The following ATP11B variants were observed in gnomAD, a reference collection of about 807,000 sequenced individuals.
ATP11B encodes the protein ATPase phospholipid transporting 11B (putative).
In ATP11B, 81 loss-of-function variants were observed where a neutral mutation model predicts 157.8. That is an observed-to-expected ratio of 0.51 (90% CI 0.43 to 0.62). ATP11B has a LOEUF of 0.62. Ranked by LOEUF, ATP11B falls within the 20% of genes least tolerant of loss-of-function variation. ATP11B has a pLI of 0.00. For missense variants in ATP11B, 1,165 were observed against 1,402.2 expected (o/e 0.83, Z 2.70); for synonymous variants, 451 against 469.4 (o/e 0.96, Z 0.51).
intron 21 of ATP11B, among the ~76,000 whole-genome samples, chr3:182,881,496 C>T (rs1421059392): frequency 1.3e-5 from 2 of 151,144 alleles, no homozygotes; most frequent in African/African-American, 2.4e-5. Flanking sequence ...GAGCCACGAT[C>T]GCGCCACTGC....
chr3:182,832,479 T>C (rs1718227824), intron 4 of ATP11B, among the ~76,000 whole-genome samples: 1 of 152,220 alleles, frequency 6.6e-6, no homozygotes. Context: ...TTCAGATTTA[T>C]GTATCTATTT....
chr3:182,844,937 G>T (rs548692862), intron 8 of ATP11B, among the ~76,000 whole-genome samples: 68 of 148,562 alleles, frequency 4.6e-4, no homozygotes, highest in African/African-American at 1.6e-3. Context: ...CTTAAAGCAG[G>T]TATTTGTTGT....
intron 29 of ATP11B, chr3:182,914,815 A>G: frequency 1.0e-6 from 1 of 985,308 alleles, no homozygotes; most frequent in Non-Finnish European, 1.2e-6. Flanking sequence ...TATTTAGAGG[A>G]TGTTAGGGGG....
At chr3:182,911,297 T>C (rs915812283) in intron 28 of ATP11B, among the ~76,000 whole-genome samples, 2 of 120,230 alleles carry the variant, frequency 1.7e-5, no homozygotes, top group Non-Finnish European at 3.2e-5. Flanking sequence ...TCCTTTAAGA[T>C]GTATTTTAAA....
At chr3:182,869,598 C>A (rs1278004318) in intron 17 of ATP11B, among the ~76,000 whole-genome samples, 2 of 152,176 alleles carry the variant, frequency 1.3e-5, no homozygotes, top group Non-Finnish European at 2.9e-5. Flanking sequence ...ATTAAACAAA[C>A]ATAGGGGAAT....
At chr3:182,881,011 T>C in intron 21 of ATP11B, 30 bp downstream of exon 21, 1 of 1,494,222 alleles carries the variant, frequency 6.7e-7, no homozygotes, top group Non-Finnish European at 9.1e-7. Context: ...AAGTTTTTCC[T>C]GAACTTTTAA....
intron 21 of ATP11B, among the ~76,000 whole-genome samples, chr3:182,884,094 A>T (rs78840585): frequency 0.13 from 20,432 of 152,046 alleles, 1,643 homozygotes; most frequent in African/African-American, 0.23. Flanking sequence ...TTGAAAAATA[A>T]TTTTTTTAAG....
At chr3:182,828,841 G>A (rs1181569674) in intron 3 of ATP11B, among the ~76,000 whole-genome samples, 2 of 151,658 alleles carry the variant, frequency 1.3e-5, no homozygotes, top group East Asian at 3.9e-4. Context: ...AAATAGTGAT[G>A]GCCATTTTCC....
chr3:182,853,354 C>T lies in ATP11B; in HGVS notation c.852-4524C>T, dbSNP rs536912418. Among the ~76,000 whole-genome samples the T allele has an allele frequency of 1.1e-3, 161 of 152,120 alleles. 2 individuals carry two copies. Among genetic ancestry groups the T allele is most frequent in the African/African-American group, 3.5e-3 (144 of 41,508 alleles). On this transcript the variant is annotated intron_variant, in intron 10 of 29. Coordinates refer to ENST00000323116, the MANE Select transcript of ATP11B (RefSeq NM_014616.3). ...TCCCGAGTGGCTGGGACCACAGGTG[C>T]GCGCCACAACACCCAGCTCATTTTT...
intron 25 of ATP11B, among the ~76,000 whole-genome samples, chr3:182,895,397 A>C (rs1216032835): frequency 6.6e-6 from 1 of 152,196 alleles, no homozygotes. Flanking sequence ...ATTGCCTATT[A>C]TATACCAGGT....
chr3:182,804,244 T>A (rs552562869), intron 1 of ATP11B, among the ~76,000 whole-genome samples: 2 of 151,992 alleles, frequency 1.3e-5, no homozygotes, highest in East Asian at 3.9e-4. Context: ...ATTTCTTTTT[T>A]TTTTCTTTTT....
At chr3:182,837,600 C>CATAA (rs1472172648) in intron 7 of ATP11B, among the ~76,000 whole-genome samples, 1 of 151,818 alleles carries the variant, frequency 6.6e-6, no homozygotes, top group Non-Finnish European at 1.5e-5. Flanking sequence ...AAATTATAAC[C>CATAA]TTATAAAGTT....
At chr3:182,876,616 T>G (rs1431586410) in intron 19 of ATP11B, among the ~76,000 whole-genome samples, 1 of 152,338 alleles carries the variant, frequency 6.6e-6, no homozygotes, top group East Asian at 1.9e-4. Flanking sequence ...GGCTGCTCCC[T>G]GTTCCAAAAT....
chr3:182,870,573 GAATT>G (rs1268774414), intron 17 of ATP11B, among the ~76,000 whole-genome samples: 4 of 152,152 alleles, frequency 2.6e-5, no homozygotes, highest in Non-Finnish European at 5.9e-5. Flanking sequence ...GTTATAGAAT[GAATT>G]AATTCATATA....
chr3:182,915,215 T>A, intron 29 of ATP11B: 1 of 985,294 alleles, frequency 1.0e-6, no homozygotes, highest in East Asian at 1.1e-4. Context: ...GCCTTTATGA[T>A]ACAATTGAAT....
intron 25 of ATP11B, 85 bp from the exon 26 acceptor site, chr3:182,896,615 T>C (rs574175961): frequency 3.1e-4 from 364 of 1,156,680 alleles, no homozygotes; most frequent in Admixed American, 5.7e-4. Flanking sequence ...ATTCAAGGGA[T>C]TTTTAGTAGA....
At chr3:182,845,267 A>C (rs1246911807) in intron 8 of ATP11B, among the ~76,000 whole-genome samples, 191 bp from the exon 9 acceptor site, 1 of 152,060 alleles carries the variant, frequency 6.6e-6, no homozygotes. Context: ...TCAGCTTCCC[A>C]AAGTGCTAGC....
chr3:182,887,860 AAG>A, intron 24 of ATP11B, 147 bp downstream of exon 24: 4 of 910,774 alleles, frequency 4.4e-6, no homozygotes, highest in Non-Finnish European at 6.4e-6. Flanking sequence ...CAGAGAAAAA[AAG>A]GTTTCTTTCA....
At chr3:182,882,046 A>G (rs868589152) in intron 21 of ATP11B, among the ~76,000 whole-genome samples, 1 of 152,314 alleles carries the variant, frequency 6.6e-6, no homozygotes, top group Middle Eastern at 3.4e-3. Flanking sequence ...CTCTTATTGT[A>G]TAAATACAGA....
Sources: allele counts gnomAD v4.1 joint callset (sites outside exome capture counted in the v4.1 genomes callset), GRCh38; gene constraint gnomAD v4.1.1; transcripts MANE v1.5; gene names NCBI Gene and HGNC (gene_info 2026-07-23, HGNC 2026-07-21).